PID1: variants seen among roughly 807,000 people sequenced by gnomAD.
PID1 encodes the protein phosphotyrosine interaction domain containing 1.
In PID1, 10 loss-of-function variants were observed where a neutral mutation model predicts 19.1. That is an observed-to-expected ratio of 0.52 (90% CI 0.32 to 0.89). PID1 has a LOEUF of 0.89. Among genes scored for constraint, PID1 ranks in the 40% least tolerant of loss-of-function variants. The pLI is 0.03. For missense variants in PID1, 248 were observed against 285.3 expected (o/e 0.87, Z 0.94); for synonymous variants, 130 against 116.0 (o/e 1.12, Z -0.78).
At chr2:229,195,861 G>T (rs1050638297) in intron 1 of PID1, among the ~76,000 whole-genome samples, 1 of 151,916 alleles carries the variant, frequency 6.6e-6, no homozygotes, top group African/African-American at 2.4e-5. Context: ...AAACAACAAA[G>T]AATCCATCCA....
intron 1 of PID1, among the ~76,000 whole-genome samples, chr2:229,164,611 G>C (rs1040868023): frequency 1.3e-5 from 2 of 152,142 alleles, no homozygotes; most frequent in Non-Finnish European, 2.9e-5. Context: ...GAATTAACAT[G>C]AACAGGGATG....
intron 1 of PID1, among the ~76,000 whole-genome samples, chr2:229,239,486 C>A (rs1020245756): frequency 6.6e-6 from 1 of 152,058 alleles, no homozygotes; most frequent in South Asian, 2.1e-4. Context: ...GCGGTGGGAG[C>A]CTGAGAGCCT....
intron 2 of PID1, among the ~76,000 whole-genome samples, chr2:229,131,045 A>G (rs1487884885): frequency 6.6e-6 from 1 of 152,118 alleles, no homozygotes; most frequent in African/African-American, 2.4e-5. Context: ...CCCTACTCCA[A>G]TATGACCTCA....
chr2:229,270,226 T>C (rs942467157), intron 1 of PID1, among the ~76,000 whole-genome samples: 2 of 152,208 alleles, frequency 1.3e-5, no homozygotes, highest in East Asian at 1.9e-4. Flanking sequence ...CCGTGACTCT[T>C]GACAATATTT....
chr2:229,248,447 T>A (rs1028036053), intron 1 of PID1, among the ~76,000 whole-genome samples: 1 of 152,224 alleles, frequency 6.6e-6, no homozygotes, highest in Admixed American at 6.5e-5. Flanking sequence ...GTTAATTTCT[T>A]CCATTGGACT....
chr2:229,203,932 T>C (rs1307010853), intron 1 of PID1, among the ~76,000 whole-genome samples: 1 of 152,090 alleles, frequency 6.6e-6, no homozygotes, highest in Non-Finnish European at 1.5e-5. Context: ...CTGGACCTTA[T>C]TGTAATGGTC....
At chr2:229,221,494 C>T (rs62191690) in intron 1 of PID1, among the ~76,000 whole-genome samples, 1,740 of 152,242 alleles carry the variant, frequency 0.011, 14 homozygotes, top group Non-Finnish European at 0.02. Flanking sequence ...CTCTTCATTC[C>T]ATCTGCACAT....
At chr2:229,268,809 A>G (rs180973114) in intron 1 of PID1, among the ~76,000 whole-genome samples, 379 of 152,232 alleles carry the variant, frequency 2.5e-3, no homozygotes, top group African/African-American at 8.8e-3. Flanking sequence ...ATGTTTCTAT[A>G]TCACGGTGAA....
chr2:229,088,908 A>G lies in PID1; in HGVS notation c.178-62800T>C, dbSNP rs150792648. Among the ~76,000 whole-genome samples, 49 of 152,322 alleles carry G rather than the reference A, an allele frequency of 3.2e-4. No individual in the cohort carries two copies. In the South Asian group the frequency reaches 4.6e-3, roughly 14 times the overall value. On this transcript the variant is annotated intron_variant, in intron 2 of 2. Coordinates refer to ENST00000392055, the MANE Select transcript of PID1 (RefSeq NM_001100818.2). Reference sequence around the variant, plus strand: ...AAGCTACACAGTAGCTTATACTGTTAGAGTCACTGGAATAAATTATTTTTG... The same window carrying G: ...AAGCTACACAGTAGCTTATACTGTTGGAGTCACTGGAATAAATTATTTTTG...
chr2:229,245,160 T>A (rs1029868674), intron 1 of PID1: 2 of 152,108 alleles, frequency 1.3e-5, no homozygotes, highest in African/African-American at 4.8e-5. Flanking sequence ...CCACCTGTTG[T>A]GTGAAACTCT....
chr2:229,202,065 A>G (rs116585576), intron 1 of PID1, among the ~76,000 whole-genome samples: 2,196 of 152,168 alleles, frequency 0.014, 42 homozygotes, highest in African/African-American at 0.049. Context: ...TGTGTTTTTA[A>G]AATATTTTTT....
chr2:229,052,953 T>C (rs1694025375), intron 2 of PID1, among the ~76,000 whole-genome samples: 1 of 152,238 alleles, frequency 6.6e-6, no homozygotes, highest in African/African-American at 2.4e-5. Context: ...ATGACTTCTA[T>C]TATTCTATAT....
At chr2:229,154,155 T>C (rs1414112432) in intron 2 of PID1, among the ~76,000 whole-genome samples, 2 of 152,166 alleles carry the variant, frequency 1.3e-5, no homozygotes, top group Non-Finnish European at 2.9e-5. Flanking sequence ...CCATTTAAAA[T>C]CACTTTAAAA....
intron 1 of PID1, among the ~76,000 whole-genome samples, chr2:229,239,394 C>T (rs1226994): frequency 0.3 from 45,895 of 151,914 alleles, 8,014 homozygotes; most frequent in East Asian, 0.67. Flanking sequence ...GGGAAAAACA[C>T]AGAGAGAGGA....
chr2:229,042,206 G>A (rs1175128246), intron 2 of PID1, among the ~76,000 whole-genome samples: 3 of 151,930 alleles, frequency 2.0e-5, no homozygotes, highest in Admixed American at 1.3e-4. Flanking sequence ...CATACATATA[G>A]AATATAAATG....
intron 2 of PID1, among the ~76,000 whole-genome samples, chr2:229,146,962 T>C (rs1441728664): frequency 2.0e-5 from 3 of 152,178 alleles, no homozygotes; most frequent in Non-Finnish European, 2.9e-5. Flanking sequence ...TGGATTTCTG[T>C]CCCATGATGC....
intron 1 of PID1, among the ~76,000 whole-genome samples, chr2:229,212,936 A>G (rs954317203): frequency 2.0e-5 from 3 of 152,094 alleles, no homozygotes; most frequent in Non-Finnish European, 4.4e-5. Flanking sequence ...CGTGACCCCA[A>G]GCTAGTTCCT....
chr2:229,101,118 A>T (rs1043232782), intron 2 of PID1, among the ~76,000 whole-genome samples: 3 of 152,214 alleles, frequency 2.0e-5, no homozygotes, highest in African/African-American at 7.2e-5. Context: ...GGATCTCACC[A>T]CGGTGTGAAC....
chr2:229,071,839 T>C (rs1356803983), intron 2 of PID1, among the ~76,000 whole-genome samples: 1 of 152,228 alleles, frequency 6.6e-6, no homozygotes, highest in East Asian at 1.9e-4. Flanking sequence ...CAATGACTCA[T>C]TCTATCTGTA....
Sources: gnomAD v4.1 joint callset for allele counts (sites outside exome capture counted in the v4.1 genomes callset) on GRCh38, gnomAD v4.1.1 for gene constraint, MANE v1.5 for transcripts, NCBI Gene and HGNC (gene_info 2026-07-23, HGNC 2026-07-21) for gene names.